Variants in KRT83 observed in about 807,000 individuals in gnomAD.
KRT83 encodes the protein keratin, type II cuticular Hb3.
Under a neutral mutation model 52.9 loss-of-function variants are expected in KRT83, and 51 were observed. That is an observed-to-expected ratio of 0.96 (90% CI 0.77 to 1.22). KRT83 has a LOEUF of 1.22. KRT83 is among the 50% of genes most tolerant of loss of function. The pLI is 0.00. For missense variants in KRT83, 654 were observed against 666.5 expected (o/e 0.98, Z 0.21); for synonymous variants, 278 against 274.1 (o/e 1.01, Z -0.14).
Position 52,316,560 on chromosome 12 carries a change from C to T in KRT83, c.949G>A (p.Gly317Arg), listed in dbSNP as rs779634636. 34 of 1,614,034 alleles carry T rather than the reference C, an allele frequency of 2.1e-5. No individual in the cohort carries two copies. Among genetic ancestry groups the T allele is most frequent in the East Asian group, 6.7e-5 (3 of 44,878 alleles). Residue 317 changes from glycine to arginine, a missense_variant, in exon 6 of 9, where the codon GGG becomes AGG. Transcript: ENST00000293670. Reference protein sequence around the residue: ...EEMKATVIRHGETLRRTKEEI... With the variant: ...EEMKATVIRHRETLRRTKEEI... ...TCCTTGGTGCGGCGCAGGGTCTCCC[C>T]GTGCCTGATCACTGTGGCCTTCATC... is the stretch of plus-strand genomic sequence containing the variant.
At position 52,319,419 on chromosome 12, in the gene KRT83, G is replaced by A; in HGVS notation, c.385-55C>T. Reference sequence around the variant, plus strand: ...TCTTCTTGCAGCATCAGAGGACAAAGAGGGGTTCCCAGCACGAGGGCCTGA... The same window carrying A: ...TCTTCTTGCAGCATCAGAGGACAAAAAGGGGTTCCCAGCACGAGGGCCTGA... On this transcript the variant is annotated intron_variant, in intron 1 of 8. Transcript: ENST00000293670. 6 of 1,600,412 alleles carry A rather than the reference G, an allele frequency of 3.7e-6. No individual in the cohort carries two copies. In the Admixed American group the frequency reaches 1.0e-4, roughly 27 times the overall value.
rs751797447 is a variant in KRT83 at position 52,321,140 on chromosome 12, G to A, written c.196C>T (p.Arg66Cys). 6 of 1,612,280 alleles carry A rather than the reference G, an allele frequency of 3.7e-6. No homozygotes were observed. The highest frequency in any genetic ancestry group is 1.7e-5 in the Admixed American group (1 of 59,984). ...CGGFRAGSCGRSFGYRSGGVC... is the reference protein window; with the variant it reads ...CGGFRAGSCGCSFGYRSGGVC... ...CCCCCGGAGCGGTAGCCGAAGCTGC[G>A]TCCGCAGGAGCCGGCGCGGAAGCCC... Residue 66 changes from arginine (R) to cysteine (C), a missense_variant, in exon 1 of 9, where the codon CGC becomes TGC. Coordinates refer to ENST00000293670, the MANE Select transcript of KRT83 (RefSeq NM_002282.3).
chr12:52,317,169 A>T, intron 4 of KRT83, 146 bp from the exon 5 acceptor site: 1 of 1,102,676 alleles, frequency 9.1e-7, no homozygotes, highest in South Asian at 1.5e-5. Flanking sequence ...TTTCTGCACA[A>T]ATAGGAAATC....
At chr12:52,315,750 A>G in intron 7 of KRT83, 143 bp downstream of exon 7, 1 of 1,231,766 alleles carries the variant, frequency 8.1e-7, no homozygotes, top group Non-Finnish European at 1.2e-6. Context: ...ATCTTGGAAG[A>G]GTTGAGAATG....
In KRT83 at chr12:52,321,027, G is replaced by A. The variant is rs752860418; in HGVS notation, c.309C>T (p.Asn103=). 3.4e-5 allele frequency: 55 copies of A among 1,613,064 alleles called. No homozygotes were observed. The highest frequency in any genetic ancestry group is 5.0e-5 in the Admixed American group (3 of 60,004). ...TCTCCTCCTGCTTCACGCACTGCGC[G>A]TTGGGGTCTATCTCCAGGTTGAGGG... ...LTPLNLEIDP[N]AQCVKQEEKE... The change falls in exon 1 of 9, where the codon AAC becomes AAT. Residue 103 remains asparagine, a synonymous_variant. Transcript: ENST00000293670.
chr12:52,316,261 T>TACACTACACACAC lies in KRT83; in HGVS notation c.1042-149_1042-148insGTGTGTGTAGTGT, dbSNP rs1555189055. The TACACTACACACAC allele has an allele frequency of 6.2e-6, 5 of 812,246 alleles. No homozygotes were observed. The South Asian group carries it at 8.4e-5, about 14-fold the overall frequency. The allele number at this position is 812,246 out of a possible 1,614,324, so 50.3% of individuals were successfully genotyped here. A position where few individuals can be genotyped will look rare whatever the true frequency, so the allele number is the denominator to read the frequency against. On this transcript the variant is annotated intron_variant, in intron 6 of 8. Transcript: ENST00000293670. ...ACCTTCCTTCCCTCCTCACTTACAC[T>TACACTACACACAC]ACACACACACACACACACACACACC...
Position 52,316,094 on chromosome 12 carries a change from G to A in KRT83, c.1061C>T (p.Ala354Val), listed in dbSNP as rs752598688. ...ACCCTGCTGCTCAGACTGGGCCACCGCAGCTTCCAGCTTGGAGTTCTGGGA... is the reference window on the plus strand; with the variant it reads ...ACCCTGCTGCTCAGACTGGGCCACCACAGCTTCCAGCTTGGAGTTCTGGGA... ...AKCQNSKLEA[A>V]VAQSEQQGEA... The change falls in exon 7 of 9, where the codon GCG becomes GTG. Residue 354 changes from alanine to valine, a missense_variant. Coordinates refer to ENST00000293670, the MANE Select transcript of KRT83 (RefSeq NM_002282.3). The A allele has an allele frequency of 2.5e-6, 4 of 1,613,602 alleles. No individual in the cohort carries two copies. Among genetic ancestry groups the A allele is most frequent in the Non-Finnish European group, 2.5e-6 (3 of 1,179,842 alleles).
At position 52,314,787 on chromosome 12, in the gene KRT83, G is replaced by T. The variant is rs764171527; in HGVS notation, c.1326C>A (p.Cys442Ter). 3.7e-6 allele frequency: 6 copies of T among 1,606,810 alleles called. No individual in the cohort carries two copies. Among genetic ancestry groups the T allele is most frequent in the African/African-American group, 2.7e-5 (2 of 74,938 alleles). ...CVSSSRGGVV[C>*]GDLCVSGSRP... Reference sequence around the variant, plus strand: ...GGGAGCCCGACACGCAGAGATCCCCGCACACAACCCCACCCCGGGAGCTGC... The same window carrying T: ...GGGAGCCCGACACGCAGAGATCCCCTCACACAACCCCACCCCGGGAGCTGC... The change falls in exon 9 of 9, where the codon TGC (cysteine) becomes TGA (stop). Residue 442 changes from cysteine (C) to a stop codon, truncating the protein, a stop_gained. Transcript: ENST00000293670. LOFTEE classifies it high-confidence loss of function.
chr12:52,315,119 C>T (rs993386797), intron 8 of KRT83, among the ~76,000 whole-genome samples, 193 bp downstream of exon 8: 3 of 152,120 alleles, frequency 2.0e-5, no homozygotes, highest in Admixed American at 6.5e-5. Flanking sequence ...TATTTTTTCC[C>T]CTCCCCAACA....
Position 52,316,183 on chromosome 12 carries a change from A to G in KRT83, c.1042-70T>C, listed in dbSNP as rs111605430. 9.3e-4 allele frequency: 1,463 copies of G among 1,578,254 alleles called. 11 individuals are homozygous for G. In the African/African-American group the frequency reaches 0.017, roughly 18 times the overall value. On this transcript the variant is annotated intron_variant, in intron 6 of 8. Transcript: ENST00000293670. ...TTCTTGAAATCCCAGCCAGTCTCCA[A>G]TAGGATCATTCAACTTCTATCTTAA... is the stretch of plus-strand genomic sequence containing the variant.
In KRT83 at chr12:52,319,368, C is replaced by T. The variant is rs764775216; in HGVS notation, c.385-4G>A. 4 of 1,614,010 alleles carry T rather than the reference C, an allele frequency of 2.5e-6. No homozygotes were observed. In the South Asian group the frequency reaches 3.3e-5, roughly 13 times the overall value. On this transcript the variant is annotated splice_region_variant and splice_polypyrimidine_tract_variant and intron_variant, in intron 1 of 8. Coordinates refer to ENST00000293670, the MANE Select transcript of KRT83 (RefSeq NM_002282.3). ...TCTGCTGCTCCAGGAAGCGCACCTG[C>T]CACCCAGAGGCAGAGCCTAAGAACC...
chr12:52,317,186 G>A (rs1938701438), intron 4 of KRT83, among the ~76,000 whole-genome samples, 163 bp from the exon 5 acceptor site: 1 of 152,218 alleles, frequency 6.6e-6, no homozygotes, highest in Admixed American at 6.5e-5. Context: ...AATCCCTTTA[G>A]AGGAAAACAC....
intron 8 of KRT83, among the ~76,000 whole-genome samples, chr12:52,315,077 A>T (rs1938665585): frequency 6.6e-6 from 1 of 152,168 alleles, no homozygotes; most frequent in Admixed American, 6.5e-5. Flanking sequence ...TATGAATGAC[A>T]TCTGAGGTCC....
At chr12:52,316,261 TACACACACACACAC>T in intron 6 of KRT83, 148 bp from the exon 7 acceptor site, 1 of 810,432 alleles carries the variant, frequency 1.2e-6, no homozygotes, top group East Asian at 2.7e-5. Flanking sequence ...TCACTTACAC[TACACACACACACAC>T]ACACACACAC....
chr12:52,317,708 A>C lies in KRT83; in HGVS notation c.723T>G (p.Ile241Met). The C allele has an allele frequency of 1.2e-6, 2 of 1,612,960 alleles. No individual in the cohort carries two copies. The highest frequency in any genetic ancestry group is 1.7e-6 in the Non-Finnish European group (2 of 1,180,006). The part of the protein sequence containing the change: ...EANVEALIQE[I>M]DFLRRLYEEE... ...CCTCGTACAGCCGCCTCAGGAAGTCAATCTCCTGGATCAGGGCCTCCACGT... is the reference window on the plus strand; with the variant it reads ...CCTCGTACAGCCGCCTCAGGAAGTCCATCTCCTGGATCAGGGCCTCCACGT... Residue 241 changes from isoleucine (I) to methionine (M), a missense_variant, in exon 4 of 9, where the codon ATT becomes ATG. Transcript: ENST00000293670.
intron 7 of KRT83, among the ~76,000 whole-genome samples, 164 bp downstream of exon 7, chr12:52,315,729 G>A (rs958275363): frequency 6.6e-6 from 1 of 152,196 alleles, no homozygotes; most frequent in Non-Finnish European, 1.5e-5. Context: ...AAGAAACCAG[G>A]CAGGGTATGG....
In KRT83 at chr12:52,315,970, C is replaced by T; in HGVS notation, c.1185G>A (p.Gln395=). 6.2e-7 allele frequency: 1 copy of T among 1,613,124 alleles called. No individual in the cohort carries two copies. The highest frequency in any genetic ancestry group is 8.5e-7 in the Non-Finnish European group (1 of 1,179,924). Residue 395 remains glutamine (Q), a synonymous_variant, in exon 7 of 9, where the codon CAG becomes CAA. Coordinates refer to ENST00000293670, the MANE Select transcript of KRT83 (RefSeq NM_002282.3). ...QDMACLIREY[Q]EVMNSKLGLD... ...GGCCTAGCTTGGAGTTCATCACCTC[C>T]TGGTACTCCCTGATCAGGCAGGCCA...
chr12:52,319,038 A>C, intron 2 of KRT83, 118 bp downstream of exon 2: 2 of 1,465,582 alleles, frequency 1.4e-6, no homozygotes, highest in Non-Finnish European at 1.9e-6. Flanking sequence ...AACAGGGGGT[A>C]CAGGTTCTTC....
At chr12:52,318,236 C>T (rs1366979232) in intron 2 of KRT83, among the ~76,000 whole-genome samples, 1 of 151,780 alleles carries the variant, frequency 6.6e-6, no homozygotes, top group Non-Finnish European at 1.5e-5. Flanking sequence ...AGCACAGTGG[C>T]GCGGTCTCGG....
Sources: allele counts gnomAD v4.1 joint callset (sites outside exome capture counted in the v4.1 genomes callset), GRCh38; gene constraint gnomAD v4.1.1; transcripts MANE v1.5; gene names NCBI Gene and HGNC (gene_info 2026-07-23, HGNC 2026-07-21).